The following IRAK1BP1 variants were observed in gnomAD, a reference collection of about 807,000 sequenced individuals.
IRAK1BP1 encodes the protein interleukin-1 receptor-associated kinase 1-binding protein 1.
Under a neutral mutation model 28.0 loss-of-function variants are expected in IRAK1BP1, and 24 were observed. The ratio of observed to expected loss-of-function variants is 0.86; its 90% confidence interval spans 0.62 to 1.20. The LOEUF (loss-of-function observed/expected upper bound fraction) is 1.20. Among genes scored for constraint, IRAK1BP1 ranks in the 50% most tolerant of loss-of-function variants. The pLI, the probability that IRAK1BP1 is intolerant of heterozygous loss-of-function variation, is 0.00. For missense variants in IRAK1BP1, 336 were observed against 316.7 expected, an observed-to-expected ratio of 1.06 and a Z score of -0.46; for synonymous variants, 131 against 116.3, an observed-to-expected ratio of 1.13 and a Z score of -0.81.
the IRAK1BP1 span, among the ~76,000 whole-genome samples, chr6:78,975,898 T>C: frequency 1.4e-4 from 21 of 149,922 alleles, no homozygotes; most frequent in Non-Finnish European, 2.8e-4. Flanking sequence ...TGGAAGAACA[T>C]TCCATGCTCA....
intron 2 of IRAK1BP1, among the ~76,000 whole-genome samples, chr6:78,885,712 C>T (rs1047869683): frequency 2.6e-5 from 4 of 151,984 alleles, no homozygotes; most frequent in African/African-American, 7.2e-5. Context: ...ACCTAATGTG[C>T]GGGTGACACT....
the IRAK1BP1 span, chr6:78,954,713 A>G: frequency 4.1e-6 from 3 of 735,842 alleles, no homozygotes; most frequent in Non-Finnish European, 6.4e-6. Context: ...AATAATAAAG[A>G]AATAAACTAT....
At chr6:78,895,316 C>G (rs554505386) in intron 2 of IRAK1BP1, among the ~76,000 whole-genome samples, 91 of 152,192 alleles carry the variant, frequency 6.0e-4, no homozygotes, top group African/African-American at 2.1e-3. Context: ...CAATTCTATA[C>G]AAATTTTTCC....
chr6:78,869,494 TG>T (rs1289159173), intron 1 of IRAK1BP1, among the ~76,000 whole-genome samples: 1 of 152,184 alleles, frequency 6.6e-6, no homozygotes, highest in Admixed American at 6.5e-5. Context: ...CACTCCAGCT[TG>T]GGTGACAGAG....
intron 2 of IRAK1BP1, among the ~76,000 whole-genome samples, chr6:78,891,679 C>T (rs906953092): frequency 6.6e-5 from 10 of 152,132 alleles, no homozygotes; most frequent in African/African-American, 2.4e-4. Flanking sequence ...CCGGGCTGGT[C>T]TCGAACTCCT....
chr6:78,940,954 G>C, intron 4 of IRAK1BP1: 1 of 1,613,878 alleles, frequency 6.2e-7, no homozygotes, highest in Non-Finnish European at 8.5e-7. Context: ...TTAACACTTT[G>C]ACACTTGCAG....
the IRAK1BP1 span, among the ~76,000 whole-genome samples, chr6:78,952,614 C>T: frequency 1.3e-5 from 2 of 151,980 alleles, no homozygotes; most frequent in Non-Finnish European, 2.9e-5. Context: ...CTTTATCATT[C>T]TGTGTGGGAT....
chr6:78,871,861 A>G (rs968266757), intron 1 of IRAK1BP1: 8 of 489,488 alleles, frequency 1.6e-5, no homozygotes, highest in East Asian at 1.4e-4. Context: ...TGATACCACT[A>G]CTTGTATCCT....
intron 1 of IRAK1BP1, among the ~76,000 whole-genome samples, chr6:78,879,210 G>T (rs1470127467): frequency 1.3e-5 from 2 of 152,040 alleles, no homozygotes; most frequent in Non-Finnish European, 2.9e-5. Flanking sequence ...TGGGGTGGGG[G>T]TAGGGGGTAG....
At chr6:78,973,782 C>T in the IRAK1BP1 span, among the ~76,000 whole-genome samples, 39 of 151,840 alleles carry the variant, frequency 2.6e-4, no homozygotes, top group Non-Finnish European at 4.9e-4. Flanking sequence ...ACAAAGAAGG[C>T]CATTACATAA....
At chr6:78,969,502 G>A in the IRAK1BP1 span, among the ~76,000 whole-genome samples, 1 of 152,096 alleles carries the variant, frequency 6.6e-6, no homozygotes, top group Non-Finnish European at 1.5e-5. Context: ...TTTAGTCCCA[G>A]TACAAACTTA....
In IRAK1BP1 at chr6:78,897,977, T is replaced by A; in HGVS notation, c.512+18T>A. On this transcript the variant is annotated intron_variant, in intron 3 of 3. Transcript: ENST00000369940. ...AATCTTCGGTAAGTTTAAGCACATC[T>A]TTAACTAAGATATTCTTTAAACAAA... The A allele has an allele frequency of 6.2e-7, 1 of 1,612,306 alleles. No individual in the cohort carries two copies. Among genetic ancestry groups the A allele is most frequent in the Non-Finnish European group, 8.5e-7 (1 of 1,179,398 alleles).
the IRAK1BP1 span, among the ~76,000 whole-genome samples, chr6:78,970,413 A>G: frequency 6.6e-6 from 1 of 152,192 alleles, no homozygotes; most frequent in African/African-American, 2.4e-5. Context: ...TTACTAAAGT[A>G]TAGTTACTAA....
At chr6:78,952,417 C>CAAAAAAAAAAACA in the IRAK1BP1 span, among the ~76,000 whole-genome samples, 1 of 59,886 alleles carries the variant, frequency 1.7e-5, no homozygotes, top group African/African-American at 6.6e-5. Flanking sequence ...GACTCTGTCC[C>CAAAAAAAAAAACA]AAAAAAAAAA....
intron 1 of IRAK1BP1, among the ~76,000 whole-genome samples, chr6:78,882,375 G>C (rs1441073852): frequency 6.6e-6 from 1 of 152,156 alleles, no homozygotes; most frequent in African/African-American, 2.4e-5. Flanking sequence ...TGCACTTAGT[G>C]ACATGCTTCC....
chr6:78,942,204 C>T (rs1022551249), intron 4 of IRAK1BP1, among the ~76,000 whole-genome samples: 3 of 152,136 alleles, frequency 2.0e-5, no homozygotes, highest in Admixed American at 1.3e-4. Context: ...CATGGTTGGT[C>T]GGGTGCAGTG....
At chr6:78,975,805 T>G in the IRAK1BP1 span, among the ~76,000 whole-genome samples, 1 of 150,570 alleles carries the variant, frequency 6.6e-6, no homozygotes, top group African/African-American at 2.4e-5. Context: ...TACCTAGGAA[T>G]CCAACTTACA....
chr6:78,939,465 C>G (rs746480201), intron 4 of IRAK1BP1: 1 of 151,634 alleles, frequency 6.6e-6, no homozygotes, highest in Non-Finnish European at 1.5e-5. Context: ...TTGAAAATAA[C>G]CAATTTCCCC....
chr6:78,950,462 C>A (rs1183461036), downstream of IRAK1BP1, among the ~76,000 whole-genome samples: 1 of 152,116 alleles, frequency 6.6e-6, no homozygotes, highest in Non-Finnish European at 1.5e-5. Context: ...TCCAGTGAAG[C>A]CATCCAGGAC....
Sources: allele counts gnomAD v4.1 joint callset (sites outside exome capture counted in the v4.1 genomes callset), GRCh38; gene constraint gnomAD v4.1.1; transcripts MANE v1.5; gene names NCBI Gene and HGNC (gene_info 2026-07-23, HGNC 2026-07-21).